The following CDH13 variants were observed in gnomAD, a reference collection of about 807,000 sequenced individuals.
CDH13 encodes cadherin-13.
In CDH13, 24 loss-of-function variants were observed where a neutral mutation model predicts 63.8. The observed-to-expected ratio is 0.38, with a 90% confidence interval of 0.27 to 0.53. The LOEUF is 0.53. Ranked by LOEUF, CDH13 falls within the 20% of genes least tolerant of loss-of-function variation. CDH13 has a pLI of 0.85. For missense variants in CDH13, 1,049 were observed against 903.1 expected (o/e 1.16, Z -2.07); for synonymous variants, 503 against 355.3 (o/e 1.42, Z -4.67).
At chr16:83,644,977 A>C (rs1247969010) in intron 8 of CDH13, among the ~76,000 whole-genome samples, 5 of 152,178 alleles carry the variant, frequency 3.3e-5, no homozygotes, top group Non-Finnish European at 7.3e-5. Flanking sequence ...CTTGGACTTC[A>C]AACCTACAAG....
intron 5 of CDH13, among the ~76,000 whole-genome samples, chr16:83,297,560 G>A (rs1208666987): frequency 6.6e-6 from 1 of 151,954 alleles, no homozygotes; most frequent in Non-Finnish European, 1.5e-5. Context: ...CTTTTTGAAT[G>A]CCTCTTTCAT....
chr16:83,785,769 T>C (rs191932276), intron 13 of CDH13, among the ~76,000 whole-genome samples: 175 of 152,266 alleles, frequency 1.1e-3, no homozygotes, highest in Non-Finnish European at 1.6e-3. Context: ...TACCCATACC[T>C]GAGCCCTACC....
chr16:83,247,928 G>C (rs1296802937), intron 5 of CDH13, among the ~76,000 whole-genome samples: 1 of 152,160 alleles, frequency 6.6e-6, no homozygotes. Flanking sequence ...CCATGTGTTA[G>C]AGCCTTTTGT....
At chr16:82,689,909 C>T (rs1251850423) in intron 1 of CDH13, among the ~76,000 whole-genome samples, 2 of 137,450 alleles carry the variant, frequency 1.5e-5, no homozygotes, top group Non-Finnish European at 3.0e-5. Flanking sequence ...CTTTTGGAGG[C>T]CAAGGTGGGC....
chr16:83,758,525 A>G (rs1013562963), intron 11 of CDH13, among the ~76,000 whole-genome samples: 3 of 152,188 alleles, frequency 2.0e-5, no homozygotes, highest in African/African-American at 7.2e-5. Flanking sequence ...AAATAGTAAA[A>G]ACTTTTTTTG....
chr16:83,165,280 T>A (rs1050507133), intron 4 of CDH13, among the ~76,000 whole-genome samples: 1 of 152,032 alleles, frequency 6.6e-6, no homozygotes, highest in Non-Finnish European at 1.5e-5. Flanking sequence ...AAAAGGATTC[T>A]GTTGGCAAAA....
At chr16:82,641,827 G>T (rs1034409326) in intron 1 of CDH13, among the ~76,000 whole-genome samples, 2 of 152,168 alleles carry the variant, frequency 1.3e-5, no homozygotes, top group African/African-American at 2.4e-5. Context: ...GTGAGCTTAT[G>T]TACTGGCTGG....
chr16:83,255,011 C>CT (rs869147938), intron 5 of CDH13, among the ~76,000 whole-genome samples: 10 of 70,502 alleles, frequency 1.4e-4, no homozygotes, highest in African/African-American at 5.1e-4. Flanking sequence ...TTCTTTCTTT[C>CT]TTTTTTGCAG....
At chr16:82,678,799 G>A (rs193265475) in intron 1 of CDH13, among the ~76,000 whole-genome samples, 3 of 152,228 alleles carry the variant, frequency 2.0e-5, no homozygotes, top group African/African-American at 7.2e-5. Flanking sequence ...TCTCTCTTAG[G>A]CAGTCTATCT....
chr16:82,857,005 C>T (rs1597814986), intron 1 of CDH13, among the ~76,000 whole-genome samples: 1 of 152,124 alleles, frequency 6.6e-6, no homozygotes, highest in African/African-American at 2.4e-5. Flanking sequence ...TGGCACTATG[C>T]TCAGATAAAA....
In CDH13 at chr16:83,416,436, T is replaced by A. The variant is rs571694680; in HGVS notation, c.782-70041T>A. ...CTCTCATGACCCTGTCCTCAGCAGA[T>A]TCACCTGTGACTATATCTGTTTCTC... On this transcript the variant is annotated intron_variant, in intron 6 of 13. Transcript: ENST00000567109. Among the ~76,000 whole-genome samples, 3 of 152,352 alleles carry A rather than the reference T, an allele frequency of 2.0e-5. No homozygotes were observed. The South Asian group carries it at 6.2e-4, about 32-fold the overall frequency.
chr16:83,397,108 C>T (rs573482167), intron 6 of CDH13, among the ~76,000 whole-genome samples: 1 of 152,156 alleles, frequency 6.6e-6, no homozygotes, highest in African/African-American at 2.4e-5. Flanking sequence ...CCCTTACCCC[C>T]ACTCCCCAGC....
rs574122849 is a variant in CDH13 at position 83,383,085 on chromosome 16, T to C, written c.781+38079T>C. ...CCCAGTTTGGAGCATTTCCTCAGTC[T>C]TTCCCTGACTTTCATCGTCCCAACA... On this transcript the variant is annotated intron_variant, in intron 6 of 13. Coordinates refer to ENST00000567109, the MANE Select transcript of CDH13 (RefSeq NM_001257.5). 10 of 152,336 alleles carry C rather than the reference T, an allele frequency of 6.6e-5. No individual in the cohort carries two copies. The East Asian group carries it at 1.9e-3, about 29-fold the overall frequency. 9.4% of individuals were successfully genotyped at this position (152,336 alleles called of 1,614,324 possible). A position where few individuals can be genotyped will look rare whatever the true frequency, so the allele number is the denominator to read the frequency against.
At chr16:82,813,554 G>T (rs1000047731) in intron 1 of CDH13, among the ~76,000 whole-genome samples, 1 of 152,182 alleles carries the variant, frequency 6.6e-6, no homozygotes, top group African/African-American at 2.4e-5. Context: ...CTGGGGTTAA[G>T]ATAAAAGGCT....
chr16:83,266,031 G>C (rs917845390), intron 5 of CDH13, among the ~76,000 whole-genome samples: 15 of 152,084 alleles, frequency 9.9e-5, no homozygotes, highest in African/African-American at 3.6e-4. Context: ...CTGCCTCCCA[G>C]CTTCAAGCGA....
intron 2 of CDH13, among the ~76,000 whole-genome samples, chr16:83,017,357 C>T (rs1242621432): frequency 6.6e-6 from 1 of 152,156 alleles, no homozygotes; most frequent in African/African-American, 2.4e-5. Context: ...CTCTTTGACT[C>T]CCTGTTATGT....
At chr16:83,382,926 C>A (rs776115023) in intron 6 of CDH13, 5 of 152,206 alleles carry the variant, frequency 3.3e-5, no homozygotes, top group East Asian at 1.9e-4. Flanking sequence ...GCTTAGACAC[C>A]AGAGATGATG....
chr16:82,688,582 G>C (rs1196077796), intron 1 of CDH13, among the ~76,000 whole-genome samples: 1 of 152,168 alleles, frequency 6.6e-6, no homozygotes, highest in Non-Finnish European at 1.5e-5. Flanking sequence ...ATATTTTACA[G>C]TGTAATAGTG....
chr16:82,993,208 A>C (rs1224557090), intron 2 of CDH13, among the ~76,000 whole-genome samples: 1 of 151,860 alleles, frequency 6.6e-6, no homozygotes, highest in African/African-American at 2.4e-5. Flanking sequence ...TTGTGGGTTA[A>C]TTTCACATTT....
Sources: gnomAD v4.1 joint callset for allele counts (sites outside exome capture counted in the v4.1 genomes callset) on GRCh38, gnomAD v4.1.1 for gene constraint, MANE v1.5 for transcripts, NCBI Gene and HGNC (gene_info 2026-07-23, HGNC 2026-07-21) for gene names.